L3MBTL4: variants seen among roughly 807,000 people sequenced by gnomAD.
The protein encoded by L3MBTL4 is lethal(3)malignant brain tumor-like protein 4.
L3MBTL4 carries 70 observed loss-of-function variants against 84.5 expected under a neutral mutation model. The observed-to-expected ratio is 0.83, with a 90% CI of 0.68 to 1.01. The LOEUF is 1.01. Ranked by LOEUF, L3MBTL4 falls within the 50% of genes least tolerant of loss-of-function variation. The pLI, the probability that L3MBTL4 is intolerant of heterozygous loss-of-function variation, is 0.00. For synonymous variants in L3MBTL4, 274 were observed against 259.8 expected (o/e 1.05, Z -0.52); for missense variants, 715 against 754.8 (o/e 0.95, Z 0.62).
intron 16 of L3MBTL4, among the ~76,000 whole-genome samples, chr18:6,022,476 C>G (rs1321274869): frequency 6.6e-6 from 1 of 152,170 alleles, no homozygotes; most frequent in Non-Finnish European, 1.5e-5. Flanking sequence ...ACCTCTGGGA[C>G]AAGTTTATAG....
chr18:6,190,465 G>A (rs1368552741), intron 12 of L3MBTL4, among the ~76,000 whole-genome samples: 2 of 152,144 alleles, frequency 1.3e-5, no homozygotes, highest in Non-Finnish European at 2.9e-5. Context: ...GAATGGGTCT[G>A]CAAATATTTG....
intron 16 of L3MBTL4, among the ~76,000 whole-genome samples, chr18:6,000,912 T>C (rs1308961511): frequency 6.6e-6 from 1 of 152,238 alleles, no homozygotes; most frequent in Non-Finnish European, 1.5e-5. Context: ...ACAATTGCAC[T>C]GGCAGAATCT....
chr18:6,105,723 C>T (rs2058983084), intron 14 of L3MBTL4, among the ~76,000 whole-genome samples: 1 of 150,654 alleles, frequency 6.6e-6, no homozygotes, highest in East Asian at 2.0e-4. Flanking sequence ...TCACTTGAAC[C>T]TGGGAGGTGG....
At chr18:6,310,211 A>G (rs1184427900) in intron 3 of L3MBTL4, among the ~76,000 whole-genome samples, 1 of 152,228 alleles carries the variant, frequency 6.6e-6, no homozygotes, top group African/African-American at 2.4e-5. Context: ...AAAGAATGAC[A>G]TCTTCACCTA....
chr18:6,180,978 A>T (rs1439134550), intron 12 of L3MBTL4, among the ~76,000 whole-genome samples: 1 of 152,248 alleles, frequency 6.6e-6, no homozygotes, highest in East Asian at 1.9e-4. Flanking sequence ...GCTACAACAC[A>T]GATGAACATC....
At chr18:6,169,793 C>T (rs961486944) in intron 13 of L3MBTL4, among the ~76,000 whole-genome samples, 5 of 151,520 alleles carry the variant, frequency 3.3e-5, no homozygotes, top group Non-Finnish European at 5.9e-5. Flanking sequence ...CAAACCTGCA[C>T]GTTGTGCACA....
Position 6,187,844 on chromosome 18 carries a change from T to C in L3MBTL4, c.982-15902A>G, listed in dbSNP as rs2044850343. Among the ~76,000 whole-genome samples, 8 of 151,618 alleles carry C rather than the reference T, an allele frequency of 5.3e-5. No homozygotes were observed. In the Middle Eastern group the frequency reaches 0.014, roughly 260 times the overall value. On this transcript the variant is annotated intron_variant, in intron 12 of 18. Transcript: ENST00000317931. ...ATTATTCCCATTGAAATTATACTTA[T>C]TGTCCACAAGGCTCTTGGTACCAAA...
intron 14 of L3MBTL4, among the ~76,000 whole-genome samples, chr18:6,112,731 C>A (rs1239651234): frequency 1.3e-5 from 2 of 151,956 alleles, no homozygotes; most frequent in Non-Finnish European, 2.9e-5. Flanking sequence ...ATATACTACT[C>A]ATTATTTGGA....
chr18:6,190,282 C>T (rs982824740), intron 12 of L3MBTL4, among the ~76,000 whole-genome samples: 4 of 152,146 alleles, frequency 2.6e-5, no homozygotes, highest in Non-Finnish European at 5.9e-5. Context: ...TGGGAAAGGG[C>T]TGTAGTGTTG....
chr18:6,399,172 G>A (rs948924197), intron 1 of L3MBTL4, among the ~76,000 whole-genome samples: 1 of 152,188 alleles, frequency 6.6e-6, no homozygotes, highest in African/African-American at 2.4e-5. Flanking sequence ...GGGCTTGGTG[G>A]CTCAAGCCTG....
chr18:6,319,208 A>G (rs1042899687), intron 1 of L3MBTL4, among the ~76,000 whole-genome samples: 1 of 152,090 alleles, frequency 6.6e-6, no homozygotes, highest in Non-Finnish European at 1.5e-5. Context: ...CTAATGTCAC[A>G]CCTCAAGGAA....
intron 15 of L3MBTL4, among the ~76,000 whole-genome samples, chr18:6,082,692 T>C (rs1347810159): frequency 2.0e-5 from 3 of 152,210 alleles, no homozygotes; most frequent in Non-Finnish European, 4.4e-5. Flanking sequence ...GTCTGCCACA[T>C]ATAAAACTTT....
intron 14 of L3MBTL4, among the ~76,000 whole-genome samples, chr18:6,101,894 A>C (rs2058845380): frequency 6.6e-6 from 1 of 152,142 alleles, no homozygotes; most frequent in Non-Finnish European, 1.5e-5. Context: ...CCTTAGACCG[A>C]AGTCGAAATT....
intron 16 of L3MBTL4, among the ~76,000 whole-genome samples, chr18:6,072,698 A>AC (rs112211329): frequency 0.015 from 904 of 59,470 alleles, 6 homozygotes; most frequent in African/African-American, 0.056. Flanking sequence ...ACACACACAC[A>AC]AAAAAAAATT....
intron 13 of L3MBTL4, among the ~76,000 whole-genome samples, chr18:6,165,278 C>T (rs538695862): frequency 1.6e-4 from 25 of 152,264 alleles, no homozygotes; most frequent in African/African-American, 5.3e-4. Context: ...TCCAGGAGAA[C>T]TTCCCCAATC....
intron 16 of L3MBTL4, among the ~76,000 whole-genome samples, chr18:6,068,236 T>C (rs1165554457): frequency 6.6e-6 from 1 of 152,212 alleles, no homozygotes; most frequent in Non-Finnish European, 1.5e-5. Context: ...ATTTATTTAA[T>C]TTTTTCCCAG....
In L3MBTL4 at chr18:5,969,537, C is replaced by T. The variant is rs1236192937; in HGVS notation, c.1470G>A (p.Gln490=). 2.5e-6 allele frequency: 4 copies of T among 1,609,386 alleles called. No individual in the cohort carries two copies. The highest frequency in any genetic ancestry group is 3.4e-6 in the Non-Finnish European group (4 of 1,177,532). ...ACATGGACACTGACTGGTGAAGCAC[C>T]TGCTGCGCCTGCTCCACCGAGTATT... is the stretch of plus-strand genomic sequence containing the variant. ...FREYSVEQAQ[Q]VLHQSVSMST... The change falls in exon 17 of 19, where the codon CAG becomes CAA. Residue 490 remains glutamine, a synonymous_variant. Transcript: ENST00000317931.
In L3MBTL4 at chr18:6,171,783, C is replaced by A. The variant is rs201066538; in HGVS notation, c.1096+45G>T. 5.2e-6 allele frequency: 6 copies of A among 1,157,054 alleles called. No individual in the cohort carries two copies. In the African/African-American group the frequency reaches 6.2e-5, roughly 12 times the overall value. The allele number at this position is 1,157,054 out of a possible 1,614,324, so 71.7% of individuals were successfully genotyped here. On this transcript the variant is annotated intron_variant, in intron 13 of 18. Transcript: ENST00000317931. Reference sequence around the variant, plus strand: ...AATAAGCAACATTACGGCTGGAAATCAGGCCAAGTATTTAAAAAGCAACAA... The same window carrying A: ...AATAAGCAACATTACGGCTGGAAATAAGGCCAAGTATTTAAAAAGCAACAA...
chr18:6,108,930 A>G (rs73380070), intron 14 of L3MBTL4, among the ~76,000 whole-genome samples: 4,119 of 152,324 alleles, frequency 0.027, 184 homozygotes, highest in African/African-American at 0.095. Flanking sequence ...GTTATAGGCA[A>G]ATACTACACC....
Sources: allele counts gnomAD v4.1 joint callset (sites outside exome capture counted in the v4.1 genomes callset), GRCh38; gene constraint gnomAD v4.1.1; transcripts MANE v1.5; gene names NCBI Gene and HGNC (gene_info 2026-07-23, HGNC 2026-07-21).